Variants in CSMD1 observed in about 807,000 individuals in gnomAD.
The protein encoded by CSMD1 is CUB and sushi domain-containing protein 1.
Under a neutral mutation model 417.5 loss-of-function variants are expected in CSMD1, and 213 were observed. That is an observed-to-expected ratio of 0.51 (90% confidence interval 0.46 to 0.57). The LOEUF (loss-of-function observed/expected upper bound fraction) is 0.57, where lower values mean the gene tolerates loss of function less well. CSMD1 is among the 20% of genes least tolerant of loss of function. CSMD1 has a pLI of 0.00. For synonymous variants in CSMD1, 2,862 were observed against 1,736.8 expected (o/e 1.65, Z -16.11); for missense variants, 6,923 against 4,529.7 (o/e 1.53, Z -15.17).
intron 3 of CSMD1, among the ~76,000 whole-genome samples, chr8:4,202,721 A>C (rs1410589498): frequency 6.6e-6 from 1 of 152,220 alleles, no homozygotes; most frequent in Non-Finnish European, 1.5e-5. Context: ...CAAGTACTCA[A>C]ATATTTACTT....
rs1451662988 is a variant in CSMD1, at chr8:3,385,017, A to G, written c.2782+2477T>C. On this transcript the variant is annotated intron_variant, in intron 18 of 69. Coordinates refer to ENST00000635120, the MANE Select transcript of CSMD1 (RefSeq NM_033225.6). ...ATATGCTATTTATATATAAATATATAATATATAAATATAATATATATAATA... is the reference window on the plus strand; with the variant it reads ...ATATGCTATTTATATATAAATATATGATATATAAATATAATATATATAATA... Among the ~76,000 whole-genome samples, 3 of 1,382 alleles carry G rather than the reference A, an allele frequency of 2.2e-3. No homozygotes were observed. In the Non-Finnish European group the frequency reaches 0.031, roughly 14 times the overall value. 0.9% of individuals were successfully genotyped at this position (1,382 alleles called of 152,430 possible).
At chr8:4,325,450 C>A (rs1282414378) in intron 3 of CSMD1, among the ~76,000 whole-genome samples, 1 of 152,162 alleles carries the variant, frequency 6.6e-6, no homozygotes, top group Non-Finnish European at 1.5e-5. Context: ...GTATTTACTT[C>A]ATGTAAGAAT....
rs188278875 is a variant in CSMD1, at chr8:4,450,418, G to A, written c.303-30353C>T. Among the ~76,000 whole-genome samples the A allele has an allele frequency of 1.2e-3, 177 of 152,252 alleles. 1 individual carries two copies. The South Asian group carries it at 0.013, about 11-fold the overall frequency. On this transcript the variant is annotated intron_variant, in intron 2 of 69. Coordinates refer to ENST00000635120, the MANE Select transcript of CSMD1 (RefSeq NM_033225.6). ...TGAGGCAGGCGGATCAGCAGGTCAAGAAATGGAGACCATCTTGGCCAACAG... is the reference window on the plus strand; with the variant it reads ...TGAGGCAGGCGGATCAGCAGGTCAAAAAATGGAGACCATCTTGGCCAACAG...
chr8:4,822,945 G>C (rs1039831499), intron 1 of CSMD1, among the ~76,000 whole-genome samples: 5 of 152,044 alleles, frequency 3.3e-5, no homozygotes, highest in African/African-American at 9.7e-5. Context: ...AATTTATTCG[G>C]ACTTTGCCTC....
chr8:4,368,366 A>T (rs556247340), intron 3 of CSMD1, among the ~76,000 whole-genome samples: 2 of 152,230 alleles, frequency 1.3e-5, no homozygotes, highest in Admixed American at 1.3e-4. Flanking sequence ...TAGCTTTTTC[A>T]TCTGCTGCTG....
chr8:4,518,959 T>C (rs1433119373), intron 2 of CSMD1, among the ~76,000 whole-genome samples: 13 of 152,150 alleles, frequency 8.5e-5, no homozygotes, highest in Admixed American at 8.5e-4. Context: ...TTCTCCCTTT[T>C]TTAATTGCAA....
intron 3 of CSMD1, among the ~76,000 whole-genome samples, chr8:4,073,668 G>C (rs556362989): frequency 2.0e-5 from 3 of 152,084 alleles, no homozygotes; most frequent in Non-Finnish European, 2.9e-5. Flanking sequence ...CTGAAGTATA[G>C]TTATATTTAG....
At chr8:3,762,144 T>C (rs893240673) in intron 5 of CSMD1, among the ~76,000 whole-genome samples, 1 of 152,102 alleles carries the variant, frequency 6.6e-6, no homozygotes, top group Non-Finnish European at 1.5e-5. Flanking sequence ...CAGGTGCACA[T>C]CGCCCCCATC....
intron 2 of CSMD1, among the ~76,000 whole-genome samples, chr8:4,445,783 A>G (rs550119451): frequency 1.1e-3 from 174 of 152,318 alleles, no homozygotes; most frequent in Non-Finnish European, 2.0e-3. Flanking sequence ...GAAATCACAG[A>G]AATGTGTCAG....
intron 7 of CSMD1, among the ~76,000 whole-genome samples, chr8:3,633,718 T>C (rs896871633): frequency 1.3e-5 from 2 of 152,196 alleles, no homozygotes; most frequent in East Asian, 3.8e-4. Flanking sequence ...CAATTAAAAA[T>C]GGAAATGTCA....
intron 5 of CSMD1, among the ~76,000 whole-genome samples, chr8:3,873,702 T>TA: frequency 6.6e-6 from 1 of 151,934 alleles, no homozygotes; most frequent in East Asian, 1.9e-4. Context: ...AAATAAAAGT[T>TA]AAAAATAAAT....
chr8:3,048,037 C>G (rs989605574), intron 50 of CSMD1, among the ~76,000 whole-genome samples: 2 of 152,170 alleles, frequency 1.3e-5, no homozygotes, highest in African/African-American at 2.4e-5. Context: ...TTAAAGAAAT[C>G]TAAGGGTAAC....
intron 37 of CSMD1, among the ~76,000 whole-genome samples, chr8:3,171,951 C>G (rs1356284963): frequency 6.6e-6 from 1 of 152,146 alleles, no homozygotes; most frequent in Admixed American, 6.5e-5. Context: ...TTTTCCCTTT[C>G]TGTAGCATGC....
chr8:4,661,350 T>C (rs1804596382), intron 1 of CSMD1, among the ~76,000 whole-genome samples: 1 of 152,192 alleles, frequency 6.6e-6, no homozygotes, highest in Non-Finnish European at 1.5e-5. Context: ...ACTGGATACA[T>C]CTTTAGAGAA....
intron 43 of CSMD1, among the ~76,000 whole-genome samples, chr8:3,109,331 G>A (rs1227169257): frequency 6.6e-6 from 1 of 152,054 alleles, no homozygotes; most frequent in Non-Finnish European, 1.5e-5. Flanking sequence ...TTCTAAATAT[G>A]GAGCTTAATC....
chr8:4,772,426 C>A (rs1796648430), intron 1 of CSMD1, among the ~76,000 whole-genome samples: 1 of 152,154 alleles, frequency 6.6e-6, no homozygotes, highest in Non-Finnish European at 1.5e-5. Flanking sequence ...GAATGATCTC[C>A]CTATTTTAAG....
Position 3,698,082 on chromosome 8 carries a change from G to C in CSMD1, c.1009+10332C>G, listed in dbSNP as rs546201352. On this transcript the variant is annotated intron_variant, in intron 7 of 69. Transcript: ENST00000635120. ...ATTTAAAAAATTATATGATATAAAC[G>C]GTATGATGAATAATTGATGAAACAT... Among the ~76,000 whole-genome samples, 3 of 152,058 alleles carry C rather than the reference G, an allele frequency of 2.0e-5. No individual in the cohort carries two copies. The South Asian group carries it at 6.2e-4, about 32-fold the overall frequency.
At chr8:3,072,708 T>C (rs1456451194) in intron 49 of CSMD1, among the ~76,000 whole-genome samples, 1 of 152,188 alleles carries the variant, frequency 6.6e-6, no homozygotes, top group African/African-American at 2.4e-5. Flanking sequence ...ATGCCAAGAA[T>C]CTGAACTTTT....
At position 3,042,664 on chromosome 8, in the gene CSMD1, C is replaced by T. The variant is rs191773953; in HGVS notation, c.7660+9798G>A. 3.9e-5 allele frequency among the ~76,000 whole-genome samples: 6 copies of T among 152,262 alleles called. No homozygotes were observed. The East Asian group carries it at 1.2e-3, about 29-fold the overall frequency. ...AGCAACCTTGGGAAAGGTACTCAAGCTCCCATGTATACTCTGGGCATGATA... is the reference window on the plus strand; with the variant it reads ...AGCAACCTTGGGAAAGGTACTCAAGTTCCCATGTATACTCTGGGCATGATA... On this transcript the variant is annotated intron_variant, in intron 50 of 69. Transcript: ENST00000635120.
Sources: allele counts gnomAD v4.1 joint callset (sites outside exome capture counted in the v4.1 genomes callset), GRCh38; gene constraint gnomAD v4.1.1; transcripts MANE v1.5; gene names NCBI Gene and HGNC (gene_info 2026-07-23, HGNC 2026-07-21).